TIAM1: variants seen among roughly 807,000 people sequenced by gnomAD.
TIAM1 encodes the protein TIAM Rac1 associated GEF 1.
In TIAM1, 65 loss-of-function variants were observed where a neutral mutation model predicts 163.5. The observed-to-expected ratio is 0.40, with a 90% CI of 0.33 to 0.49. The LOEUF (loss-of-function observed/expected upper bound fraction) is 0.49. Ranked by LOEUF, TIAM1 falls within the 20% of genes least tolerant of loss-of-function variation. The pLI, the probability that TIAM1 is intolerant of heterozygous loss-of-function variation, is 0.77. For synonymous variants in TIAM1, 833 were observed against 810.1 expected, an observed-to-expected ratio of 1.03 and a Z score of -0.48; for missense variants, 1,789 against 2,044.7, an observed-to-expected ratio of 0.87 and a Z score of 2.41.
intron 2 of TIAM1, among the ~76,000 whole-genome samples, chr21:31,296,896 C>T (rs1309615551): frequency 1.3e-5 from 2 of 152,194 alleles, no homozygotes; most frequent in East Asian, 1.9e-4. Context: ...ATTTCCTGAC[C>T]TCATAATCCG....
chr21:31,154,836 T>C (rs1253818171), intron 16 of TIAM1, among the ~76,000 whole-genome samples: 1 of 152,152 alleles, frequency 6.6e-6, no homozygotes, highest in East Asian at 1.9e-4. Flanking sequence ...TCAGGAGACA[T>C]AAAAGTTAGC....
chr21:31,439,433 G>A (rs1027490914), intron 2 of TIAM1, among the ~76,000 whole-genome samples: 1 of 152,104 alleles, frequency 6.6e-6, no homozygotes, highest in Non-Finnish European at 1.5e-5. Flanking sequence ...GGGATTACAG[G>A]CATGCACCAC....
intron 2 of TIAM1, among the ~76,000 whole-genome samples, chr21:31,324,702 G>A (rs192078879): frequency 7.0e-4 from 106 of 152,194 alleles, no homozygotes; most frequent in African/African-American, 2.4e-3. Context: ...CCATCCACAG[G>A]GCCCCTAACA....
chr21:31,295,774 A>G (rs148489643), intron 2 of TIAM1, among the ~76,000 whole-genome samples: 1 of 152,262 alleles, frequency 6.6e-6, no homozygotes, highest in Non-Finnish European at 1.5e-5. Flanking sequence ...TTTTGAGAAT[A>G]TGCACATTAG....
chr21:31,460,191 A>G (rs1290398358), intron 2 of TIAM1, among the ~76,000 whole-genome samples: 3 of 152,162 alleles, frequency 2.0e-5, no homozygotes, highest in African/African-American at 4.8e-5. Context: ...CTCCTCCCTG[A>G]CAAACCCCAG....
intron 1 of TIAM1, among the ~76,000 whole-genome samples, chr21:31,542,836 T>C (rs116466951): frequency 0.017 from 2,565 of 151,900 alleles, 80 homozygotes; most frequent in African/African-American, 0.059. Flanking sequence ...AGGATGGTGG[T>C]GCGCACCTGT....
At chr21:31,535,951 C>T (rs911786012) in intron 1 of TIAM1, among the ~76,000 whole-genome samples, 5 of 152,146 alleles carry the variant, frequency 3.3e-5, no homozygotes, top group South Asian at 2.1e-4. Flanking sequence ...ATTAGAGGCA[C>T]GCCAACAGAT....
chr21:31,524,779 T>A (rs2047723756), intron 1 of TIAM1, among the ~76,000 whole-genome samples: 1 of 152,188 alleles, frequency 6.6e-6, no homozygotes, highest in Non-Finnish European at 1.5e-5. Context: ...TAGCATTTAG[T>A]GTGTGCCTTG....
chr21:31,125,180 TA>T (rs2082147125), intron 26 of TIAM1, among the ~76,000 whole-genome samples: 1 of 149,362 alleles, frequency 6.7e-6, no homozygotes, highest in Non-Finnish European at 1.5e-5. Context: ...ATTAAGGCTG[TA>T]AAGAACTATA....
At chr21:31,479,486 T>C (rs2147391973) in intron 1 of TIAM1, among the ~76,000 whole-genome samples, 1 of 152,124 alleles carries the variant, frequency 6.6e-6, no homozygotes, top group Admixed American at 6.5e-5. Context: ...GAAGGATGGA[T>C]GAGCGGCAGA....
chr21:31,134,511 G>C (rs1160589201), intron 23 of TIAM1, among the ~76,000 whole-genome samples: 3 of 151,832 alleles, frequency 2.0e-5, no homozygotes. Flanking sequence ...ACTTACATTT[G>C]TTTTGTTTTG....
Position 31,301,143 on chromosome 21 carries a change from T to C in TIAM1, c.-188-24235A>G, listed in dbSNP as rs188567882. Reference sequence around the variant, plus strand: ...AGCTATTATGAATATTCCCAGTGCTTAGGACAGGGGCGAGAATGGAAGTTG... The same window carrying C: ...AGCTATTATGAATATTCCCAGTGCTCAGGACAGGGGCGAGAATGGAAGTTG... On this transcript the variant is annotated intron_variant, in intron 2 of 27. Coordinates refer to ENST00000541036, the MANE Select transcript of TIAM1 (RefSeq NM_001353694.2). 1.1e-4 allele frequency among the ~76,000 whole-genome samples: 16 copies of C among 152,232 alleles called. No individual in the cohort carries two copies. The East Asian group carries it at 2.7e-3, about 26-fold the overall frequency.
chr21:31,285,391 T>A (rs2073764368), intron 2 of TIAM1, among the ~76,000 whole-genome samples: 1 of 152,130 alleles, frequency 6.6e-6, no homozygotes, highest in Non-Finnish European at 1.5e-5. Context: ...GCTGGAAAGG[T>A]CACGGGGATG....
At chr21:31,320,709 T>C (rs1036930305) in intron 2 of TIAM1, among the ~76,000 whole-genome samples, 1 of 151,690 alleles carries the variant, frequency 6.6e-6, no homozygotes, top group Non-Finnish European at 1.5e-5. Flanking sequence ...AAAAGGAGAG[T>C]TGGGCTGGGC....
At chr21:31,149,324 T>C (rs1160807522) in intron 19 of TIAM1, among the ~76,000 whole-genome samples, 1 of 152,228 alleles carries the variant, frequency 6.6e-6, no homozygotes, top group Non-Finnish European at 1.5e-5. Context: ...TTATATTTAC[T>C]GGTTGAGCAT....
intron 2 of TIAM1, among the ~76,000 whole-genome samples, chr21:31,331,746 G>A (rs925068515): frequency 6.6e-6 from 1 of 152,174 alleles, no homozygotes; most frequent in African/African-American, 2.4e-5. Flanking sequence ...GTCAGAAAGA[G>A]GGCTGGCAAG....
Position 31,210,592 on chromosome 21 carries a change from A to AAGAG in TIAM1, c.2218-381_2218-378dup, listed in dbSNP as rs368451168. On this transcript the variant is annotated intron_variant, in intron 10 of 27. Coordinates refer to ENST00000541036, the MANE Select transcript of TIAM1 (RefSeq NM_001353694.2). Reference sequence around the variant, plus strand: ...AAAGAAAGAAAGAAAGAAAGAAAGAAAGAGAGAAAGAAGGAAGGAAGGGAG... The same window carrying AAGAG: ...AAAGAAAGAAAGAAAGAAAGAAAGAAAGAGAGAGAGAAAGAAGGAAGGAAGGGAG... Among the ~76,000 whole-genome samples the AAGAG allele has an allele frequency of 8.6e-4, 76 of 88,746 alleles. 2 individuals are homozygous for AAGAG. The highest frequency in any genetic ancestry group is 5.8e-3 in the Middle Eastern group (1 of 172). The allele number at this position is 88,746 out of a possible 152,430, so 58.2% of individuals were successfully genotyped here.
intron 6 of TIAM1, among the ~76,000 whole-genome samples, chr21:31,226,769 G>A (rs1320427503): frequency 6.6e-6 from 1 of 152,126 alleles, no homozygotes; most frequent in Admixed American, 6.5e-5. Flanking sequence ...TAAGCCCAGA[G>A]AGGTGAAACA....
chr21:31,143,422 C>T lies in TIAM1; in HGVS notation c.3476-1918G>A, dbSNP rs923517905. On this transcript the variant is annotated intron_variant, in intron 20 of 27. Coordinates refer to ENST00000541036, the MANE Select transcript of TIAM1 (RefSeq NM_001353694.2). ...TCAATAAATAAATACCCTCTCCCCGCAAAAAACAGTGGGAGTGTATATATA... is the reference window on the plus strand; with the variant it reads ...TCAATAAATAAATACCCTCTCCCCGTAAAAAACAGTGGGAGTGTATATATA... Among the ~76,000 whole-genome samples the T allele has an allele frequency of 2.0e-5, 3 of 149,432 alleles. No homozygotes were observed. In the East Asian group the frequency reaches 5.9e-4, roughly 30 times the overall value.
Sources: gnomAD v4.1 joint callset for allele counts (sites outside exome capture counted in the v4.1 genomes callset) on GRCh38, gnomAD v4.1.1 for gene constraint, MANE v1.5 for transcripts, NCBI Gene and HGNC (gene_info 2026-07-23, HGNC 2026-07-21) for gene names.